The following CDH12 variants were observed in gnomAD, a reference collection of about 807,000 sequenced individuals.
CDH12 encodes the protein cadherin-12.
A neutral mutation model predicts 74.1 loss-of-function variants in CDH12; 41 were observed. The ratio of observed to expected loss-of-function variants is 0.55; its 90% CI spans 0.43 to 0.72. The LOEUF (loss-of-function observed/expected upper bound fraction) is 0.72. Ranked by LOEUF, CDH12 falls within the 30% of genes least tolerant of loss-of-function variation. The probability of loss-of-function intolerance (pLI) is 0.00; values close to 1 mark genes in which losing one functional copy is unlikely to be tolerated. For synonymous variants in CDH12, 399 were observed against 355.0 expected (o/e 1.12, Z -1.39); for missense variants, 945 against 977.2 (o/e 0.97, Z 0.44).
At chr5:22,820,552 A>AT (rs1323143124) in intron 1 of CDH12, among the ~76,000 whole-genome samples, 2 of 152,298 alleles carry the variant, frequency 1.3e-5, no homozygotes, top group East Asian at 3.9e-4. Flanking sequence ...TAAAGGGGAT[A>AT]TCACCACCGA....
intron 1 of CDH12, among the ~76,000 whole-genome samples, chr5:22,670,720 T>G: frequency 6.6e-6 from 1 of 152,156 alleles, no homozygotes; most frequent in Middle Eastern, 3.4e-3. Flanking sequence ...TTAAAGGTTT[T>G]TATATATTTT....
At chr5:22,649,898 C>CATAT (rs532168280) in intron 1 of CDH12, among the ~76,000 whole-genome samples, 1 of 151,778 alleles carries the variant, frequency 6.6e-6, no homozygotes, top group Non-Finnish European at 1.5e-5. Flanking sequence ...TGTAAAGTTA[C>CATAT]ATATATATAT....
chr5:21,920,519 G>T (rs1754301363), intron 6 of CDH12, among the ~76,000 whole-genome samples: 1 of 151,920 alleles, frequency 6.6e-6, no homozygotes, highest in Non-Finnish European at 1.5e-5. Context: ...CACACACCGG[G>T]GCCTGTCAGG....
At chr5:22,117,478 T>TATTATATATATAA (rs1554012020) in intron 4 of CDH12, among the ~76,000 whole-genome samples, 2 of 68,292 alleles carry the variant, frequency 2.9e-5, no homozygotes, top group African/African-American at 1.2e-4. Context: ...AATATATATA[T>TATTATATATATAA]TATATATATA....
At chr5:22,255,263 ATTT>A (rs569981314) in intron 3 of CDH12, among the ~76,000 whole-genome samples, 1 of 147,714 alleles carries the variant, frequency 6.8e-6, no homozygotes, top group African/African-American at 2.5e-5. Flanking sequence ...AGTATTTGTG[ATTT>A]TTTTTTTTGA....
chr5:22,311,311 T>G (rs1738378834), intron 3 of CDH12, among the ~76,000 whole-genome samples: 1 of 152,158 alleles, frequency 6.6e-6, no homozygotes, highest in Non-Finnish European at 1.5e-5. Context: ...TACATTAAAA[T>G]AACATAAATT....
intron 1 of CDH12, among the ~76,000 whole-genome samples, chr5:22,771,611 C>T (rs956503016): frequency 6.6e-6 from 1 of 151,878 alleles, no homozygotes; most frequent in Non-Finnish European, 1.5e-5. Context: ...GCTATTGCTA[C>T]AAGAAATATA....
At chr5:22,493,489 T>C (rs1321196915) in intron 2 of CDH12, among the ~76,000 whole-genome samples, 1 of 151,616 alleles carries the variant, frequency 6.6e-6, no homozygotes, top group Non-Finnish European at 1.5e-5. Context: ...AGATACATGC[T>C]ACGCACTCTA....
intron 1 of CDH12, among the ~76,000 whole-genome samples, chr5:22,561,204 C>T (rs1374663929): frequency 1.3e-5 from 2 of 152,014 alleles, no homozygotes; most frequent in Non-Finnish European, 2.9e-5. Flanking sequence ...TATTTGGAGA[C>T]ATTCAACTTT....
intron 1 of CDH12, among the ~76,000 whole-genome samples, chr5:22,776,681 C>T (rs539362422): frequency 2.0e-5 from 3 of 152,066 alleles, no homozygotes; most frequent in South Asian, 2.1e-4. Context: ...GTGATAAAGA[C>T]GAGTGTATTT....
chr5:22,468,921 C>A (rs1403258036), intron 2 of CDH12, among the ~76,000 whole-genome samples: 1 of 152,132 alleles, frequency 6.6e-6, no homozygotes, highest in African/African-American at 2.4e-5. Flanking sequence ...TTTCTATGTT[C>A]CTTTCACACA....
intron 1 of CDH12, among the ~76,000 whole-genome samples, chr5:22,546,820 G>A (rs906011718): frequency 6.6e-6 from 1 of 152,098 alleles, no homozygotes. Context: ...ATTTTCTAGG[G>A]CCCCATTTAA....
chr5:22,023,845 A>T lies in CDH12; in HGVS notation c.232-48460T>A, dbSNP rs371386352. On this transcript the variant is annotated intron_variant, in intron 5 of 14. Coordinates refer to ENST00000382254, the MANE Select transcript of CDH12 (RefSeq NM_004061.5). ...TTTCTAGAGCATTCTTCCTTGTAGT[A>T]ACCCAAGTTAGAGCCAAATTTGGCT... Among the ~76,000 whole-genome samples, 11 of 152,266 alleles carry T rather than the reference A, an allele frequency of 7.2e-5. No individual in the cohort carries two copies. In the East Asian group the frequency reaches 1.5e-3, roughly 21 times the overall value.
intron 4 of CDH12, among the ~76,000 whole-genome samples, chr5:22,156,868 G>C (rs975551048): frequency 1.3e-5 from 2 of 152,146 alleles, no homozygotes; most frequent in Admixed American, 6.6e-5. Context: ...AAAGTAGACA[G>C]TGATGCGAGG....
chr5:22,342,789 C>G (rs1038777788), intron 3 of CDH12, among the ~76,000 whole-genome samples: 11 of 142,832 alleles, frequency 7.7e-5, no homozygotes, highest in African/African-American at 2.8e-4. Context: ...TTCCTTCCCT[C>G]CCTCCCTTCT....
chr5:21,861,753 G>A (rs1751056040), intron 6 of CDH12, among the ~76,000 whole-genome samples: 1 of 152,038 alleles, frequency 6.6e-6, no homozygotes, highest in Admixed American at 6.6e-5. Context: ...GAGCTGTATT[G>A]TCAAGGTGAC....
chr5:22,772,895 T>G (rs540008762), intron 1 of CDH12, among the ~76,000 whole-genome samples: 1 of 152,028 alleles, frequency 6.6e-6, no homozygotes, highest in South Asian at 2.1e-4. Flanking sequence ...TTTTACCATC[T>G]CATATACAAT....
At chr5:22,108,758 C>T (rs1306444386) in intron 4 of CDH12, among the ~76,000 whole-genome samples, 1 of 152,144 alleles carries the variant, frequency 6.6e-6, no homozygotes, top group East Asian at 1.9e-4. Flanking sequence ...ACACAGATGA[C>T]AAATAATGAC....
At chr5:22,560,515 T>A (rs1369848027) in intron 1 of CDH12, among the ~76,000 whole-genome samples, 1 of 152,054 alleles carries the variant, frequency 6.6e-6, no homozygotes, top group Non-Finnish European at 1.5e-5. Context: ...ACCATAAAAT[T>A]AACAAAATGT....
Sources: gnomAD v4.1 joint callset for allele counts (sites outside exome capture counted in the v4.1 genomes callset) on GRCh38, gnomAD v4.1.1 for gene constraint, MANE v1.5 for transcripts, NCBI Gene and HGNC (gene_info 2026-07-23, HGNC 2026-07-21) for gene names.